TTLL11: variants seen among roughly 807,000 people sequenced by gnomAD.
The protein encoded by TTLL11 is tubulin polyglutamylase TTLL11.
TTLL11 carries 42 observed loss-of-function variants against 51.7 expected under a neutral mutation model. That is an observed-to-expected ratio of 0.81 (90% confidence interval 0.64 to 1.05). The LOEUF (loss-of-function observed/expected upper bound fraction) is 1.05, where lower values mean the gene tolerates loss of function less well. Among genes scored for constraint, TTLL11 ranks in the 50% least tolerant of loss-of-function variants. The pLI is 0.00. For synonymous variants in TTLL11, 381 were observed against 383.5 expected (o/e 0.99, Z 0.08); for missense variants, 799 against 940.4 (o/e 0.85, Z 1.97).
intron 6 of TTLL11, among the ~76,000 whole-genome samples, chr9:121,878,938 C>T (rs1266842093): frequency 6.6e-6 from 1 of 152,182 alleles, no homozygotes. Flanking sequence ...GGAGTTTGGG[C>T]TTTGTGGGTA....
At chr9:122,089,368 T>A (rs531334238) in intron 1 of TTLL11, among the ~76,000 whole-genome samples, 1 of 152,274 alleles carries the variant, frequency 6.6e-6, no homozygotes, top group Admixed American at 6.5e-5. Flanking sequence ...TTCAAGATGA[T>A]CTCATCCAAT....
chr9:121,974,255 T>C, intron 5 of TTLL11, 131 bp from the exon 6 acceptor site: 2 of 530,116 alleles, frequency 3.8e-6, no homozygotes, highest in South Asian at 6.8e-5. Flanking sequence ...TTTTAAAGAC[T>C]TCCTTTATAC....
At chr9:121,926,821 T>C (rs761668572) in intron 6 of TTLL11, among the ~76,000 whole-genome samples, 6 of 152,170 alleles carry the variant, frequency 3.9e-5, no homozygotes, top group African/African-American at 1.4e-4. Context: ...CAGAAAATCA[T>C]AGCTGGGGTG....
intron 3 of TTLL11, among the ~76,000 whole-genome samples, chr9:122,013,312 A>C (rs753886337): frequency 7.2e-5 from 11 of 152,218 alleles, no homozygotes; most frequent in Admixed American, 3.9e-4. Context: ...GGATCAGAGG[A>C]CAGAGTGGTC....
At chr9:121,971,758 A>G (rs1388580478) in intron 6 of TTLL11, among the ~76,000 whole-genome samples, 1 of 150,572 alleles carries the variant, frequency 6.6e-6, no homozygotes, top group Non-Finnish European at 1.5e-5. Flanking sequence ...AAAAAAAAAA[A>G]AAAGAAAATG....
chr9:121,866,235 G>C (rs888386379), intron 7 of TTLL11, among the ~76,000 whole-genome samples: 3 of 152,172 alleles, frequency 2.0e-5, no homozygotes, highest in African/African-American at 4.8e-5. Context: ...GAGAGAGAAG[G>C]GTTGTTAGCA....
intron 6 of TTLL11, among the ~76,000 whole-genome samples, chr9:121,953,632 C>CAAAAAA (rs57176138): frequency 2.3e-4 from 16 of 70,916 alleles, no homozygotes; most frequent in African/African-American, 5.0e-4. Flanking sequence ...GATGCCGCCT[C>CAAAAAA]AAAAAAAAAA....
chr9:121,992,647 T>C (rs943679729), intron 3 of TTLL11, among the ~76,000 whole-genome samples: 1 of 152,262 alleles, frequency 6.6e-6, no homozygotes, highest in Admixed American at 6.5e-5. Flanking sequence ...CTACAACTGA[T>C]GGTATCTCTA....
In TTLL11 at chr9:121,947,725, A is replaced by G. The variant is rs1054146367; in HGVS notation, c.1481+26284T>C. Among the ~76,000 whole-genome samples the G allele has an allele frequency of 3.9e-5, 6 of 152,212 alleles. 1 individual carries two copies. Among genetic ancestry groups the G allele is most frequent in the Admixed American group, 3.9e-4 (6 of 15,284 alleles). On this transcript the variant is annotated intron_variant, in intron 6 of 8. Coordinates refer to ENST00000321582, the MANE Select transcript of TTLL11 (RefSeq NM_001139442.2). The stretch of plus-strand genomic sequence containing the variant: ...AGATACCTTGATATGTGGAGTTTCA[A>G]TATTGGAATGCTGGATGGGAGCCTC...
chr9:122,083,672 T>C (rs1273389569), intron 1 of TTLL11, among the ~76,000 whole-genome samples: 2 of 152,112 alleles, frequency 1.3e-5, no homozygotes, highest in Non-Finnish European at 2.9e-5. Flanking sequence ...TAGCCAGGTG[T>C]GGTGGCATGC....
chr9:121,924,036 G>C (rs750412702), intron 6 of TTLL11, among the ~76,000 whole-genome samples: 1 of 152,148 alleles, frequency 6.6e-6, no homozygotes, highest in Non-Finnish European at 1.5e-5. Context: ...CATGTAAGAC[G>C]TGCCTTCCAC....
chr9:122,058,351 C>G (rs1475493019), intron 1 of TTLL11, among the ~76,000 whole-genome samples: 1 of 152,214 alleles, frequency 6.6e-6, no homozygotes, highest in Non-Finnish European at 1.5e-5. Flanking sequence ...TCAGTGGAGA[C>G]AGAATCCATA....
In TTLL11 at chr9:121,852,213, C is replaced by A. The variant is rs143943680; in HGVS notation, c.1840+8124G>T. On this transcript the variant is annotated intron_variant, in intron 8 of 8. Coordinates refer to ENST00000321582, the MANE Select transcript of TTLL11 (RefSeq NM_001139442.2). ...GGTTTGTAATCTGTGACACACACAC[C>A]CACCAGGAAGGATGGTGGTGGTTAG... Among the ~76,000 whole-genome samples, 104 of 152,252 alleles carry A rather than the reference C, an allele frequency of 6.8e-4. 1 individual carries two copies. The highest frequency in any genetic ancestry group is 2.4e-3 in the African/African-American group (100 of 41,560).
At chr9:122,073,576 A>G (rs1170220158) in intron 1 of TTLL11, among the ~76,000 whole-genome samples, 1 of 152,182 alleles carries the variant, frequency 6.6e-6, no homozygotes, top group Non-Finnish European at 1.5e-5. Flanking sequence ...TCTTAAAGAA[A>G]GTGAGATTTA....
At chr9:122,009,753 C>G (rs940579089) in intron 3 of TTLL11, among the ~76,000 whole-genome samples, 1 of 151,746 alleles carries the variant, frequency 6.6e-6, no homozygotes, top group African/African-American at 2.4e-5. Flanking sequence ...ATTTTAGTGT[C>G]TGCTTCATAA....
rs1016208812 is a variant in TTLL11 at position 121,816,540 on chromosome 9, G to A, written c.*6047C>T. The A allele has an allele frequency of 1.1e-5, 1 of 91,212 alleles. No individual in the cohort carries two copies. Among genetic ancestry groups the A allele is most frequent in the African/African-American group, 6.3e-5 (1 of 15,824 alleles). The allele number at this position is 91,212 out of a possible 1,614,324, so 5.7% of individuals were successfully genotyped here. On this transcript the variant is annotated 3_prime_UTR_variant, in exon 9 of 9. Transcript: ENST00000321582. The stretch of plus-strand genomic sequence containing the variant: ...CAAAGCTCAACGGTGCTCAGTGTGT[G>A]TGTGTGCGTGCGCACGTGTGTGCAT...
At chr9:121,966,340 G>A (rs932806356) in intron 6 of TTLL11, among the ~76,000 whole-genome samples, 2 of 152,084 alleles carry the variant, frequency 1.3e-5, no homozygotes, top group Non-Finnish European at 1.5e-5. Flanking sequence ...AACCCCCTCC[G>A]ATTTCTCCAA....
In TTLL11 at chr9:121,870,417, C is replaced by T. The variant is rs1838318273; in HGVS notation, c.1733+80G>A. 4 of 1,485,812 alleles carry T rather than the reference C, an allele frequency of 2.7e-6. No individual in the cohort carries two copies. In the East Asian group the frequency reaches 9.9e-5, roughly 37 times the overall value. The allele number at this position is 1,485,812 out of a possible 1,614,324, so 92.0% of individuals were successfully genotyped here. On this transcript the variant is annotated intron_variant, in intron 7 of 8. Transcript: ENST00000321582. The stretch of plus-strand genomic sequence containing the variant: ...CACCACAGATTCTCCCGAGCGCAGT[C>T]AGGGAGACCCGCCAGCCAGATGTGA...
chr9:122,079,715 A>G (rs1275490236), intron 1 of TTLL11, among the ~76,000 whole-genome samples: 1 of 152,042 alleles, frequency 6.6e-6, no homozygotes, highest in Non-Finnish European at 1.5e-5. Context: ...TCTCAAAAAA[A>G]AAAAAAGAAA....
Sources: gnomAD v4.1 joint callset for allele counts (sites outside exome capture counted in the v4.1 genomes callset) on GRCh38, gnomAD v4.1.1 for gene constraint, MANE v1.5 for transcripts, NCBI Gene and HGNC (gene_info 2026-07-23, HGNC 2026-07-21) for gene names.